The following IL22RA2 variants were observed in gnomAD, a reference collection of about 807,000 sequenced individuals.
The protein encoded by IL22RA2 is interleukin 22 receptor subunit alpha 2.
A neutral mutation model predicts 30.7 loss-of-function variants in IL22RA2; 39 were observed. That is an observed-to-expected ratio of 1.27 (90% confidence interval 0.98 to 1.66). IL22RA2 has a LOEUF of 1.66. Ranked by LOEUF, IL22RA2 falls within the 40% of genes most tolerant of loss-of-function variation. IL22RA2 has a pLI of 0.00. For missense variants in IL22RA2, 315 were observed against 312.7 expected, an observed-to-expected ratio of 1.01 and a Z score of -0.05; for synonymous variants, 103 against 105.0, an observed-to-expected ratio of 0.98 and a Z score of 0.11.
intron 5 of IL22RA2, among the ~76,000 whole-genome samples, chr6:137,154,046 C>G (rs1778347987): frequency 6.6e-6 from 1 of 151,964 alleles, no homozygotes; most frequent in African/African-American, 2.4e-5. Context: ...CCTTCTCTCT[C>G]TCTCTCTACT....
intron 1 of IL22RA2, among the ~76,000 whole-genome samples, chr6:137,172,706 T>A (rs1778768016): frequency 6.6e-6 from 1 of 152,204 alleles, no homozygotes; most frequent in Non-Finnish European, 1.5e-5. Flanking sequence ...GGTATTTCCA[T>A]CATCGTGTTG....
At chr6:137,152,974 G>A (rs555709026) in intron 5 of IL22RA2, among the ~76,000 whole-genome samples, 1 of 152,246 alleles carries the variant, frequency 6.6e-6, no homozygotes, top group East Asian at 1.9e-4. Context: ...CTCGTTGCAG[G>A]TAGGTTTATT....
At chr6:137,159,567 C>T (rs9494675) in intron 2 of IL22RA2, among the ~76,000 whole-genome samples, 24,581 of 152,146 alleles carry the variant, frequency 0.16, 2,116 homozygotes, top group Non-Finnish European at 0.19. Flanking sequence ...AAGTGATCCG[C>T]CCACCTCGGC....
In IL22RA2 at chr6:137,172,281, T is replaced by A. The variant is rs1455112882; in HGVS notation, c.-66+1132A>T. Among the ~76,000 whole-genome samples the A allele has an allele frequency of 2.6e-5, 4 of 152,294 alleles. No individual in the cohort carries two copies. In the East Asian group the frequency reaches 7.7e-4, roughly 29 times the overall value. On this transcript the variant is annotated intron_variant, in intron 1 of 6. Transcript: ENST00000296980. ...TGGGTTGCTGACTTTGTCAAACAAA[T>A]GAGGGGAAATTAGGCGGAGTGGGAT...
intron 1 of IL22RA2, among the ~76,000 whole-genome samples, chr6:137,172,144 T>C (rs950841791): frequency 1.3e-5 from 2 of 152,208 alleles, no homozygotes; most frequent in Non-Finnish European, 2.9e-5. Flanking sequence ...TACCAATAGA[T>C]CTCATTTTGA....
intron 1 of IL22RA2, among the ~76,000 whole-genome samples, chr6:137,165,602 C>A (rs1209021255): frequency 6.6e-6 from 1 of 152,112 alleles, no homozygotes; most frequent in Non-Finnish European, 1.5e-5. Context: ...GAAGCTAAGC[C>A]AGGACAAGAG....
chr6:137,162,702 A>G (rs28385763), intron 1 of IL22RA2, among the ~76,000 whole-genome samples: 12,056 of 152,174 alleles, frequency 0.079, 1,169 homozygotes, highest in African/African-American at 0.23. Flanking sequence ...TCCATAGTGA[A>G]CAGGTCTGTG....
In IL22RA2 at chr6:137,145,774, C is replaced by T. The variant is rs147617148; in HGVS notation, c.643-1G>A. 2.5e-4 allele frequency: 398 copies of T among 1,613,622 alleles called. 1 individual carries two copies. The highest frequency in any genetic ancestry group is 3.2e-4 in the Non-Finnish European group (381 of 1,179,878). ...GAGCCCCTTCATAAACCTTTTGCTCCTACACACGAGAGAGAAAATAATCAG... is the reference window on the plus strand; with the variant it reads ...GAGCCCCTTCATAAACCTTTTGCTCTTACACACGAGAGAGAAAATAATCAG... On this transcript the variant is annotated splice_acceptor_variant, in intron 6 of 6. Transcript: ENST00000296980. LOFTEE classifies it high-confidence loss of function.
chr6:137,172,351 T>C (rs1025492023), intron 1 of IL22RA2, among the ~76,000 whole-genome samples: 3 of 152,228 alleles, frequency 2.0e-5, no homozygotes, highest in African/African-American at 7.2e-5. Flanking sequence ...AAACGTGAGC[T>C]TTGGTGCTCT....
Position 137,154,132 on chromosome 6 carries a change from T to C in IL22RA2, c.472+809A>G, listed in dbSNP as rs1778349377. 3.3e-5 allele frequency among the ~76,000 whole-genome samples: 5 copies of C among 152,294 alleles called. No individual in the cohort carries two copies. The South Asian group carries it at 1.0e-3, about 32-fold the overall frequency. On this transcript the variant is annotated intron_variant, in intron 5 of 6. Coordinates refer to ENST00000296980, the MANE Select transcript of IL22RA2 (RefSeq NM_052962.3). ...GATTATATTATTCTATGGTTGTGAC[T>C]AAACTAAAAAAGGAATAAATATCCT...
chr6:137,163,694 G>C (rs548638202), intron 1 of IL22RA2, among the ~76,000 whole-genome samples: 1 of 152,208 alleles, frequency 6.6e-6, no homozygotes, highest in Non-Finnish European at 1.5e-5. Flanking sequence ...ACCCGAGGGG[G>C]TTGGGACAAT....
intron 5 of IL22RA2, among the ~76,000 whole-genome samples, chr6:137,150,219 C>G (rs1007351247): frequency 1.3e-5 from 2 of 152,180 alleles, no homozygotes; most frequent in Non-Finnish European, 1.5e-5. Flanking sequence ...GTCTATATCA[C>G]AGATGCCACA....
Position 137,147,490 on chromosome 6 carries a change from T to C in IL22RA2, c.642+232A>G, listed in dbSNP as rs1180323150. On this transcript the variant is annotated intron_variant, in intron 6 of 6. Transcript: ENST00000296980. ...AATACGGTTAATACCAATCTTTAGA[T>C]ATGCAGGGAAGACTGTAGAGACAAA... is the stretch of plus-strand genomic sequence containing the variant. 3.3e-5 allele frequency among the ~76,000 whole-genome samples: 5 copies of C among 152,238 alleles called. No homozygotes were observed. In the East Asian group the frequency reaches 7.7e-4, roughly 23 times the overall value.
At chr6:137,156,436 T>C (rs1053327796) in intron 4 of IL22RA2, among the ~76,000 whole-genome samples, 1 of 152,238 alleles carries the variant, frequency 6.6e-6, no homozygotes, top group African/African-American at 2.4e-5. Context: ...ATATATTGAG[T>C]ATAATTTGAT....
intron 3 of IL22RA2, among the ~76,000 whole-genome samples, chr6:137,157,311 T>C (rs1185196294): frequency 3.3e-5 from 5 of 152,064 alleles, no homozygotes; most frequent in Non-Finnish European, 5.9e-5. Context: ...ATAAAAAGAG[T>C]ACCAATCTTT....
At chr6:137,168,325 C>G (rs1320929931) in intron 1 of IL22RA2, among the ~76,000 whole-genome samples, 1 of 152,188 alleles carries the variant, frequency 6.6e-6, no homozygotes. Context: ...CCTATGACTT[C>G]TTATTTGAAG....
rs562470862 is a variant in IL22RA2 at position 137,165,228 on chromosome 6, G to A, written c.-65-3414C>T. Among the ~76,000 whole-genome samples the A allele has an allele frequency of 7.9e-5, 12 of 152,274 alleles. 1 individual carries two copies. The highest frequency in any genetic ancestry group is 2.9e-4 in the African/African-American group (12 of 41,568). On this transcript the variant is annotated intron_variant, in intron 1 of 6. Transcript: ENST00000296980. Reference sequence around the variant, plus strand: ...AATATCGGAAAGGTCTCAGAGGTTCGCCAGAAGCCAGATAAAAGTCCCGGT... The same window carrying A: ...AATATCGGAAAGGTCTCAGAGGTTCACCAGAAGCCAGATAAAAGTCCCGGT...
intron 4 of IL22RA2, among the ~76,000 whole-genome samples, chr6:137,156,235 A>AG (rs1778403933): frequency 6.6e-6 from 1 of 152,230 alleles, no homozygotes; most frequent in African/African-American, 2.4e-5. Context: ...AATCAGACCA[A>AG]TGTAACAAAG....
chr6:137,151,429 A>G (rs1486250110), intron 5 of IL22RA2, among the ~76,000 whole-genome samples: 1 of 152,218 alleles, frequency 6.6e-6, no homozygotes, highest in East Asian at 1.9e-4. Flanking sequence ...ATCAGACTTA[A>G]CTGTGAGAGA....
Sources: gnomAD v4.1 joint callset for allele counts (sites outside exome capture counted in the v4.1 genomes callset) on GRCh38, gnomAD v4.1.1 for gene constraint, MANE v1.5 for transcripts, NCBI Gene and HGNC (gene_info 2026-07-23, HGNC 2026-07-21) for gene names.